Variants in COBL observed in about 807,000 individuals in gnomAD.
COBL encodes the protein cordon-bleu WH2 repeat protein.
A neutral mutation model predicts 98.8 loss-of-function variants in COBL; 51 were observed. That is an observed-to-expected ratio of 0.52 (90% CI 0.41 to 0.65). The LOEUF (loss-of-function observed/expected upper bound fraction) is 0.65, where lower values mean the gene tolerates loss of function less well. Among genes scored for constraint, COBL ranks in the 30% least tolerant of loss-of-function variants. The pLI is 0.00. For missense variants in COBL, 1,617 were observed against 1,617.5 expected, an observed-to-expected ratio of 1.00 and a Z score of 0.01; for synonymous variants, 634 against 651.7, an observed-to-expected ratio of 0.97 and a Z score of 0.41.
chr7:51,199,109 C>G lies in COBL; in HGVS notation c.246-5520G>C, dbSNP rs914979878. Among the ~76,000 whole-genome samples the G allele has an allele frequency of 4.6e-5, 7 of 152,180 alleles. No homozygotes were observed. In the South Asian group the frequency reaches 8.3e-4, roughly 18 times the overall value. ...TCCCCCCAATAACATGCTCGCTGAC[C>G]TCAGACCCAACTGCAGATACTAAAG... On this transcript the variant is annotated intron_variant, in intron 2 of 12. Transcript: ENST00000265136.
Position 51,159,227 on chromosome 7 carries a change from A to C in COBL, c.784-22896T>G, listed in dbSNP as rs181870811. On this transcript the variant is annotated intron_variant, in intron 5 of 12. Transcript: ENST00000265136. ...AGGTGGGGAGGAGGCTTTGGAGACC[A>C]CAGGTGCTGGGAAGTGGAGCCGCCA... Among the ~76,000 whole-genome samples, 1,114 of 152,262 alleles carry C rather than the reference A, an allele frequency of 7.3e-3. 11 individuals are homozygous for C. Among genetic ancestry groups the C allele is most frequent in the African/African-American group, 0.026 (1,081 of 41,562 alleles).
chr7:51,247,160 C>T (rs1344469917), intron 1 of COBL, among the ~76,000 whole-genome samples: 1 of 152,264 alleles, frequency 6.6e-6, no homozygotes, highest in Non-Finnish European at 1.5e-5. Context: ...CGTTAAGTCA[C>T]AGGCTTGCAC....
At chr7:51,104,710 C>A (rs916729638) in intron 6 of COBL, among the ~76,000 whole-genome samples, 26 of 152,152 alleles carry the variant, frequency 1.7e-4, no homozygotes, top group Non-Finnish European at 1.6e-4. Flanking sequence ...CCCCCAGAAA[C>A]AGATATGAAC....
chr7:51,154,344 C>T (rs1407020964), intron 5 of COBL, among the ~76,000 whole-genome samples: 1 of 152,190 alleles, frequency 6.6e-6, no homozygotes, highest in African/African-American at 2.4e-5. Context: ...AAGCAGAGAA[C>T]ATGGTCAGGG....
intron 6 of COBL, among the ~76,000 whole-genome samples, chr7:51,130,062 A>G (rs1583893760): frequency 6.6e-6 from 1 of 152,150 alleles, no homozygotes; most frequent in East Asian, 1.9e-4. Context: ...TCAAAGGAAA[A>G]CAGGCAGGAT....
At chr7:51,163,305 A>G (rs1451428816) in intron 5 of COBL, among the ~76,000 whole-genome samples, 1 of 152,252 alleles carries the variant, frequency 6.6e-6, no homozygotes, top group Non-Finnish European at 1.5e-5. Context: ...AATTGAAGAG[A>G]GCATCATAGC....
chr7:51,296,061 T>C (rs762365180), intron 1 of COBL, among the ~76,000 whole-genome samples: 1 of 152,182 alleles, frequency 6.6e-6, no homozygotes, highest in Non-Finnish European at 1.5e-5. Flanking sequence ...CAAGTAGAAC[T>C]AACTGCTCCG....
At chr7:51,092,072 C>T (rs1794862409) in intron 6 of COBL, among the ~76,000 whole-genome samples, 1 of 152,226 alleles carries the variant, frequency 6.6e-6, no homozygotes, top group Non-Finnish European at 1.5e-5. Context: ...TGAGCTCTGC[C>T]TCACATCACA....
At chr7:51,207,588 C>G (rs902366460) in intron 2 of COBL, among the ~76,000 whole-genome samples, 1 of 152,232 alleles carries the variant, frequency 6.6e-6, no homozygotes, top group African/African-American at 2.4e-5. Context: ...CGCCACCACA[C>G]CTGACTGGTT....
At chr7:51,308,177 T>C (rs1802667468) in intron 1 of COBL, among the ~76,000 whole-genome samples, 1 of 152,160 alleles carries the variant, frequency 6.6e-6, no homozygotes, top group Non-Finnish European at 1.5e-5. Flanking sequence ...CACTAGTGGA[T>C]TTTGCACTTA....
chr7:51,212,777 G>T (rs1792580642), intron 2 of COBL, among the ~76,000 whole-genome samples: 1 of 152,176 alleles, frequency 6.6e-6, no homozygotes, highest in African/African-American at 2.4e-5. Context: ...AACCTTCAGG[G>T]CTTGCTGAAA....
At chr7:51,258,437 C>T (rs1797393519) in intron 1 of COBL, among the ~76,000 whole-genome samples, 1 of 152,226 alleles carries the variant, frequency 6.6e-6, no homozygotes, top group African/African-American at 2.4e-5. Flanking sequence ...AGGACTCCTT[C>T]CTCCATGGAA....
At chr7:51,272,948 C>CCAACAACAA (rs202039697) in intron 1 of COBL, among the ~76,000 whole-genome samples, 15 of 146,204 alleles carry the variant, frequency 1.0e-4, no homozygotes, top group African/African-American at 2.4e-4. Context: ...GAACACAATA[C>CCAACAACAA]CAACAACAAC....
At chr7:51,242,408 T>C (rs1795875319) in intron 1 of COBL, among the ~76,000 whole-genome samples, 2 of 152,224 alleles carry the variant, frequency 1.3e-5, no homozygotes, top group Admixed American at 6.5e-5. Context: ...CTTCATTCTT[T>C]CCTTGCTTTG....
chr7:51,057,997 T>A (rs953229549), intron 7 of COBL, among the ~76,000 whole-genome samples: 8 of 152,218 alleles, frequency 5.3e-5, no homozygotes, highest in Non-Finnish European at 1.2e-4. Flanking sequence ...TAAAATGAAG[T>A]TTGTTTTCTT....
At chr7:51,074,191 A>ATTTTTTTTTTT (rs369421469) in intron 7 of COBL, among the ~76,000 whole-genome samples, 3 of 100,496 alleles carry the variant, frequency 3.0e-5, no homozygotes, top group East Asian at 3.1e-4. Flanking sequence ...CAAGGTAATG[A>ATTTTTTTTTTT]TTTTTTTTTT....
intron 6 of COBL, among the ~76,000 whole-genome samples, chr7:51,132,443 A>G (rs1583902427): frequency 6.6e-6 from 1 of 152,182 alleles, no homozygotes; most frequent in African/African-American, 2.4e-5. Flanking sequence ...TTCCCATTTT[A>G]CAGAGGAAAC....
At chr7:51,046,857 T>A (rs1200149041) in intron 7 of COBL, among the ~76,000 whole-genome samples, 1 of 152,142 alleles carries the variant, frequency 6.6e-6, no homozygotes, top group Non-Finnish European at 1.5e-5. Context: ...AAGCCCAAAT[T>A]GCACTCTGAA....
At chr7:51,199,275 G>A (rs1790897124) in intron 2 of COBL, among the ~76,000 whole-genome samples, 1 of 152,142 alleles carries the variant, frequency 6.6e-6, no homozygotes, top group Non-Finnish European at 1.5e-5. Flanking sequence ...TCCAAACTCA[G>A]CTTGACTGAG....
Sources: allele counts gnomAD v4.1 joint callset (sites outside exome capture counted in the v4.1 genomes callset), GRCh38; gene constraint gnomAD v4.1.1; transcripts MANE v1.5; gene names NCBI Gene and HGNC (gene_info 2026-07-23, HGNC 2026-07-21).